SORCS1: variants seen among roughly 807,000 people sequenced by gnomAD.
SORCS1 encodes the protein sortilin related VPS10 domain containing receptor 1.
A neutral mutation model predicts 146.1 loss-of-function variants in SORCS1; 60 were observed. The ratio of observed to expected loss-of-function variants is 0.41; its 90% CI spans 0.33 to 0.51. The LOEUF (loss-of-function observed/expected upper bound fraction) is 0.51, where lower values mean the gene tolerates loss of function less well. Ranked by LOEUF, SORCS1 falls within the 20% of genes least tolerant of loss-of-function variation. SORCS1 has a pLI of 0.21. For missense variants in SORCS1, 1,352 were observed against 1,487.6 expected, an observed-to-expected ratio of 0.91 and a Z score of 1.50; for synonymous variants, 637 against 584.0, an observed-to-expected ratio of 1.09 and a Z score of -1.31.
chr10:106,731,705 C>G (rs868415168), intron 5 of SORCS1, among the ~76,000 whole-genome samples: 12 of 152,086 alleles, frequency 7.9e-5, no homozygotes, highest in Admixed American at 3.3e-4. Context: ...TCCTCTTCCC[C>G]CAACAGACAC....
intron 3 of SORCS1, among the ~76,000 whole-genome samples, chr10:106,813,367 C>T (rs541989072): frequency 8.0e-4 from 122 of 151,914 alleles, no homozygotes; most frequent in Non-Finnish European, 1.4e-3. Flanking sequence ...CTTCTGACTT[C>T]GTGATCCTAC....
chr10:106,707,184 ATTTAAT>A (rs1854593652), intron 7 of SORCS1, among the ~76,000 whole-genome samples: 1 of 100,168 alleles, frequency 1.0e-5, no homozygotes, highest in African/African-American at 3.2e-5. Flanking sequence ...CTTCTATTTA[ATTTAAT>A]TTTTTTTTTT....
At chr10:107,058,973 T>C (rs1181635587) in intron 1 of SORCS1, among the ~76,000 whole-genome samples, 48 of 152,282 alleles carry the variant, frequency 3.2e-4, no homozygotes, top group Non-Finnish European at 1.5e-5. Flanking sequence ...AAAAGCACAT[T>C]GCTAATAGCG....
intron 4 of SORCS1, among the ~76,000 whole-genome samples, chr10:106,772,349 G>A (rs992356589): frequency 6.6e-6 from 1 of 152,048 alleles, no homozygotes. Context: ...TTCAAACTTG[G>A]ACTGAATTAT....
At chr10:106,750,822 G>A (rs1177049648) in intron 5 of SORCS1, among the ~76,000 whole-genome samples, 4 of 148,080 alleles carry the variant, frequency 2.7e-5, no homozygotes, top group Admixed American at 6.8e-5. Context: ...CACTTTGGGA[G>A]GCCGAGGCGG....
chr10:107,096,286 T>G (rs1321616514), intron 1 of SORCS1, among the ~76,000 whole-genome samples: 2 of 152,220 alleles, frequency 1.3e-5, no homozygotes, highest in Non-Finnish European at 2.9e-5. Context: ...TTAACAAGTT[T>G]TAAAAGGTAA....
At chr10:106,957,165 G>GTTTTTTT (rs374081494) in intron 1 of SORCS1, among the ~76,000 whole-genome samples, 3 of 138,072 alleles carry the variant, frequency 2.2e-5, no homozygotes, top group Non-Finnish European at 4.6e-5. Context: ...GTTTTTTTTT[G>GTTTTTTT]TTTTTTTTGT....
At chr10:106,842,075 T>C (rs1387510536) in intron 2 of SORCS1, among the ~76,000 whole-genome samples, 2 of 152,214 alleles carry the variant, frequency 1.3e-5, no homozygotes, top group Non-Finnish European at 2.9e-5. Context: ...TTTCACATCC[T>C]TGTGGGCATT....
At chr10:106,850,005 C>G (rs981074736) in intron 2 of SORCS1, among the ~76,000 whole-genome samples, 5 of 152,136 alleles carry the variant, frequency 3.3e-5, no homozygotes, top group Non-Finnish European at 7.3e-5. Context: ...CAGACAGAGA[C>G]TTTTAAGTCT....
intron 1 of SORCS1, among the ~76,000 whole-genome samples, chr10:107,074,760 T>G (rs1266573187): frequency 6.6e-6 from 1 of 152,192 alleles, no homozygotes; most frequent in Non-Finnish European, 1.5e-5. Flanking sequence ...TAGTGGTATC[T>G]TATTGTTGTT....
chr10:106,997,689 A>G (rs1340416765), intron 1 of SORCS1, among the ~76,000 whole-genome samples: 1 of 152,266 alleles, frequency 6.6e-6, no homozygotes, highest in Non-Finnish European at 1.5e-5. Flanking sequence ...AAATGTTTAT[A>G]TAGACACTGT....
intron 3 of SORCS1, among the ~76,000 whole-genome samples, chr10:106,805,278 C>G (rs4918256): frequency 3.3e-5 from 5 of 151,816 alleles, no homozygotes; most frequent in Non-Finnish European, 5.9e-5. Context: ...AAGGATCCTA[C>G]GAAACTAACC....
intron 1 of SORCS1, among the ~76,000 whole-genome samples, chr10:107,000,984 T>A (rs1957193022): frequency 1.3e-5 from 2 of 152,162 alleles, no homozygotes; most frequent in Non-Finnish European, 2.9e-5. Flanking sequence ...TTTGTATAAA[T>A]TTCTTGACAT....
chr10:107,147,717 C>T (rs528361247), intron 1 of SORCS1, among the ~76,000 whole-genome samples: 8 of 152,280 alleles, frequency 5.3e-5, no homozygotes, highest in South Asian at 2.1e-4. Flanking sequence ...TTCTATATTG[C>T]TTTAGTGTCC....
At chr10:107,016,905 T>C (rs1225133335) in intron 1 of SORCS1, among the ~76,000 whole-genome samples, 2 of 152,228 alleles carry the variant, frequency 1.3e-5, no homozygotes, top group South Asian at 2.1e-4. Context: ...ATAATCATTT[T>C]TGAAATGTTT....
chr10:106,781,797 T>C (rs562435310), intron 3 of SORCS1, among the ~76,000 whole-genome samples: 1 of 152,172 alleles, frequency 6.6e-6, no homozygotes, highest in Admixed American at 6.5e-5. Flanking sequence ...TGGCAACTAT[T>C]TGGAGGACAG....
chr10:106,813,792 A>C (rs181607645), intron 3 of SORCS1, among the ~76,000 whole-genome samples: 1 of 152,244 alleles, frequency 6.6e-6, no homozygotes, highest in Admixed American at 6.5e-5. Context: ...TTTTTAAATT[A>C]GCTGGCAGAG....
At chr10:106,728,765 G>A (rs1856384931) in intron 6 of SORCS1, among the ~76,000 whole-genome samples, 1 of 152,164 alleles carries the variant, frequency 6.6e-6, no homozygotes, top group Non-Finnish European at 1.5e-5. Flanking sequence ...AGTGATTAGG[G>A]TGCTTTTGAA....
intron 2 of SORCS1, among the ~76,000 whole-genome samples, chr10:106,876,680 A>C (rs1950599354): frequency 6.6e-6 from 1 of 152,194 alleles, no homozygotes; most frequent in African/African-American, 2.4e-5. Context: ...ATTTTCTCAA[A>C]ATGAGTGATG....
Sources: allele counts gnomAD v4.1 joint callset (sites outside exome capture counted in the v4.1 genomes callset), GRCh38; gene constraint gnomAD v4.1.1; transcripts MANE v1.5; gene names NCBI Gene and HGNC (gene_info 2026-07-23, HGNC 2026-07-21).